CCDC172: variants seen among roughly 807,000 people sequenced by gnomAD.
CCDC172 encodes coiled-coil domain containing 172.
A neutral mutation model predicts 38.0 loss-of-function variants in CCDC172; 30 were observed. The observed-to-expected ratio is 0.79, with a 90% confidence interval of 0.59 to 1.07. The LOEUF (loss-of-function observed/expected upper bound fraction) is 1.07, where lower values mean the gene tolerates loss of function less well. CCDC172 is among the 50% of genes least tolerant of loss of function. The probability of loss-of-function intolerance (pLI) is 0.00; values close to 1 mark genes in which losing one functional copy is unlikely to be tolerated. For missense variants in CCDC172, 297 were observed against 290.1 expected (o/e 1.02, Z -0.17); for synonymous variants, 78 against 88.3 (o/e 0.88, Z 0.66).
intron 5 of CCDC172, among the ~76,000 whole-genome samples, chr10:116,353,306 T>A (rs1391666075): frequency 6.6e-6 from 1 of 151,898 alleles, no homozygotes; most frequent in Non-Finnish European, 1.5e-5. Flanking sequence ...TATAAGAAAA[T>A]ACGGGTGTAA....
At position 116,342,110 on chromosome 10, in the gene CCDC172, T is replaced by C. The variant is rs1401615721; in HGVS notation, c.357T>C (p.Tyr119=). The change falls in exon 5 of 9, where the codon TAT becomes TAC. Residue 119 remains tyrosine (Y), a synonymous_variant. Coordinates refer to ENST00000333254, the MANE Select transcript of CCDC172 (RefSeq NM_198515.3). ...IKEITDFNND[Y]EITKKRELLM... is the part of the protein sequence containing the mutation. ...AAATTACAGACTTTAATAATGATTA[T>C]GAAATAACAAAGAAAAGAGAGCTTT... 25 of 1,551,980 alleles carry C rather than the reference T, an allele frequency of 1.6e-5. No individual in the cohort carries two copies. The highest frequency in any genetic ancestry group is 2.2e-5 in the Non-Finnish European group (25 of 1,157,326).
At chr10:116,330,810 T>A (rs1844653781) in intron 3 of CCDC172, among the ~76,000 whole-genome samples, 1 of 152,172 alleles carries the variant, frequency 6.6e-6, no homozygotes, top group African/African-American at 2.4e-5. Context: ...AACAGTTCAC[T>A]GCAACCTCAA....
chr10:116,350,183 G>A (rs971833143), intron 5 of CCDC172, among the ~76,000 whole-genome samples: 1 of 152,154 alleles, frequency 6.6e-6, no homozygotes, highest in Non-Finnish European at 1.5e-5. Flanking sequence ...AGCCATTGGA[G>A]GACTTAAGCA....
At chr10:116,343,710 T>C (rs1844829129) in intron 5 of CCDC172, among the ~76,000 whole-genome samples, 1 of 152,138 alleles carries the variant, frequency 6.6e-6, no homozygotes, top group Admixed American at 6.6e-5. Flanking sequence ...TGAATCCTAC[T>C]GAGGCTCACT....
chr10:116,333,875 G>A (rs543634174), intron 3 of CCDC172, among the ~76,000 whole-genome samples: 7 of 152,310 alleles, frequency 4.6e-5, no homozygotes, highest in African/African-American at 1.7e-4. Context: ...GAGTGGGAAG[G>A]ATCAAAGGCA....
intron 3 of CCDC172, among the ~76,000 whole-genome samples, chr10:116,331,749 G>A (rs1190195876): frequency 6.6e-6 from 1 of 152,046 alleles, no homozygotes; most frequent in Non-Finnish European, 1.5e-5. Context: ...TATCTCTCCT[G>A]GCTGTTCGAC....
At chr10:116,371,595 T>A (rs1441392564) in intron 7 of CCDC172, among the ~76,000 whole-genome samples, 1 of 152,076 alleles carries the variant, frequency 6.6e-6, no homozygotes, top group Non-Finnish European at 1.5e-5. Context: ...ATAATTTAGA[T>A]CAATTTATAT....
chr10:116,325,461 A>T, intron 3 of CCDC172, 73 bp downstream of exon 3: 1 of 1,183,566 alleles, frequency 8.4e-7, no homozygotes, highest in East Asian at 2.4e-5. Flanking sequence ...GGGATATTTC[A>T]GTGTTTAACC....
intron 5 of CCDC172, among the ~76,000 whole-genome samples, chr10:116,356,191 A>T (rs968730670): frequency 6.6e-6 from 1 of 151,916 alleles, no homozygotes; most frequent in Admixed American, 6.6e-5. Context: ...TTAGCCAGGC[A>T]TGGTGGCGAG....
intron 3 of CCDC172, among the ~76,000 whole-genome samples, chr10:116,329,978 C>T (rs1007061968): frequency 2.0e-5 from 3 of 152,086 alleles, no homozygotes; most frequent in African/African-American, 4.8e-5. Context: ...CGAAGTGCCA[C>T]GATTGTCTCA....
At chr10:116,372,799 C>A (rs1210855731) in intron 7 of CCDC172, among the ~76,000 whole-genome samples, 1 of 152,078 alleles carries the variant, frequency 6.6e-6, no homozygotes, top group Non-Finnish European at 1.5e-5. Flanking sequence ...GACACAAAGA[C>A]ATTATATACA....
chr10:116,370,438 C>T (rs776693369), intron 7 of CCDC172, among the ~76,000 whole-genome samples: 16 of 151,856 alleles, frequency 1.1e-4, no homozygotes, highest in Non-Finnish European at 5.9e-5. Context: ...AAATGACTAT[C>T]CAGTTTTCTC....
At chr10:116,325,200 T>A (rs1277115216) in intron 2 of CCDC172, 103 bp from the exon 3 acceptor site, 1 of 1,463,462 alleles carries the variant, frequency 6.8e-7, no homozygotes, top group East Asian at 2.3e-5. Flanking sequence ...GGAGCTTGCA[T>A]GCCATGCTGA....
chr10:116,342,998 C>A (rs563464516), intron 5 of CCDC172, among the ~76,000 whole-genome samples: 1 of 151,950 alleles, frequency 6.6e-6, no homozygotes, highest in African/African-American at 2.4e-5. Flanking sequence ...TACCCAGTCT[C>A]GGGTAGTTCT....
intron 4 of CCDC172, 106 bp from the exon 5 acceptor site, chr10:116,341,930 A>T: frequency 1.3e-6 from 1 of 794,942 alleles, no homozygotes; most frequent in Non-Finnish European, 1.7e-6. Context: ...AAGTGTAACT[A>T]TATACTTTCA....
At chr10:116,372,766 G>A (rs974973825) in intron 7 of CCDC172, among the ~76,000 whole-genome samples, 3 of 151,978 alleles carry the variant, frequency 2.0e-5, no homozygotes, top group African/African-American at 7.2e-5. Flanking sequence ...GAGAAACTCA[G>A]GAAGGAAGGC....
chr10:116,348,999 C>T (rs988675224), intron 5 of CCDC172, among the ~76,000 whole-genome samples: 1 of 152,138 alleles, frequency 6.6e-6, no homozygotes, highest in Non-Finnish European at 1.5e-5. Context: ...AACTCCCCAT[C>T]ACTCACATTA....
intron 3 of CCDC172, among the ~76,000 whole-genome samples, chr10:116,333,500 A>G (rs763365505): frequency 2.0e-5 from 3 of 152,204 alleles, no homozygotes; most frequent in Non-Finnish European, 4.4e-5. Flanking sequence ...TTCCATTAAA[A>G]GCAGTGCATG....
At chr10:116,363,775 A>T (rs1305181771) in intron 7 of CCDC172, among the ~76,000 whole-genome samples, 1 of 151,946 alleles carries the variant, frequency 6.6e-6, no homozygotes, top group Non-Finnish European at 1.5e-5. Context: ...CGCCTCTACT[A>T]CAAATACAAA....
Sources: allele counts gnomAD v4.1 joint callset (sites outside exome capture counted in the v4.1 genomes callset), GRCh38; gene constraint gnomAD v4.1.1; transcripts MANE v1.5; gene names NCBI Gene and HGNC (gene_info 2026-07-23, HGNC 2026-07-21).